Variants in NPAS3 observed in about 807,000 individuals in gnomAD.
NPAS3 encodes neuronal PAS domain protein 3.
NPAS3 carries 14 observed loss-of-function variants against 73.1 expected under a neutral mutation model. The ratio of observed to expected loss-of-function variants is 0.19; its 90% CI spans 0.13 to 0.30. The LOEUF (loss-of-function observed/expected upper bound fraction) is 0.30. NPAS3 is among the 10% of genes least tolerant of loss of function. NPAS3 has a pLI of 1.00. For synonymous variants in NPAS3, 620 were observed against 541.5 expected (o/e 1.14, Z -2.01); for missense variants, 1,096 against 1,250.0 (o/e 0.88, Z 1.86).
At chr14:33,171,499 C>T (rs1201656120) in intron 2 of NPAS3, among the ~76,000 whole-genome samples, 3 of 152,198 alleles carry the variant, frequency 2.0e-5, no homozygotes, top group Non-Finnish European at 4.4e-5. Flanking sequence ...TTCCCTAAAC[C>T]ACATAAACCA....
chr14:33,412,422 A>T (rs1364323238), intron 4 of NPAS3, among the ~76,000 whole-genome samples: 4 of 152,148 alleles, frequency 2.6e-5, no homozygotes, highest in Admixed American at 2.6e-4. Context: ...ACCTGGCCGG[A>T]TTTTATTTTT....
At chr14:33,202,402 TA>T (rs1034997542) in intron 2 of NPAS3, among the ~76,000 whole-genome samples, 73 of 147,442 alleles carry the variant, frequency 5.0e-4, no homozygotes, top group Admixed American at 6.8e-4. Flanking sequence ...GACCCTGTCT[TA>T]AAAAAAAAAA....
chr14:33,019,642 C>T (rs1334819748), intron 1 of NPAS3, among the ~76,000 whole-genome samples: 1 of 152,192 alleles, frequency 6.6e-6, no homozygotes, highest in Non-Finnish European at 1.5e-5. Flanking sequence ...AACTAGGTAA[C>T]TTGCATTATG....
At chr14:33,625,101 GTGTT>G (rs1447387958) in intron 5 of NPAS3, among the ~76,000 whole-genome samples, 8 of 152,302 alleles carry the variant, frequency 5.3e-5, no homozygotes, top group Admixed American at 2.0e-4. Context: ...TGTGCCAACA[GTGTT>G]TGTGTTATAA....
chr14:33,651,746 A>G (rs1034679420), intron 5 of NPAS3, among the ~76,000 whole-genome samples: 1 of 152,178 alleles, frequency 6.6e-6, no homozygotes, highest in African/African-American at 2.4e-5. Context: ...AAAGTACCTG[A>G]TAGACGTAAA....
At chr14:33,312,463 C>T (rs1007807648) in intron 3 of NPAS3, among the ~76,000 whole-genome samples, 8 of 151,856 alleles carry the variant, frequency 5.3e-5, no homozygotes, top group South Asian at 2.1e-4. Flanking sequence ...CTTGTAACAA[C>T]GGGAGTAATA....
At chr14:33,315,990 G>A (rs1024561378) in intron 3 of NPAS3, among the ~76,000 whole-genome samples, 15 of 152,050 alleles carry the variant, frequency 9.9e-5, no homozygotes, top group Non-Finnish European at 2.2e-4. Flanking sequence ...GGTATGTGGA[G>A]CAACAGTGTC....
chr14:33,343,295 CT>C (rs1478531217), intron 3 of NPAS3, among the ~76,000 whole-genome samples: 1 of 152,040 alleles, frequency 6.6e-6, no homozygotes, highest in Non-Finnish European at 1.5e-5. Context: ...CTCCTGCTTT[CT>C]TTTTTTCTCA....
At chr14:33,349,160 A>G (rs1419666350) in intron 3 of NPAS3, among the ~76,000 whole-genome samples, 1 of 152,208 alleles carries the variant, frequency 6.6e-6, no homozygotes, top group Non-Finnish European at 1.5e-5. Context: ...CCATGTCTAT[A>G]ATGTCATAAT....
At chr14:33,197,472 C>T (rs1377556062) in intron 2 of NPAS3, among the ~76,000 whole-genome samples, 1 of 151,918 alleles carries the variant, frequency 6.6e-6, no homozygotes, top group African/African-American at 2.4e-5. Context: ...AAGCTGTAAG[C>T]TTCCATCCCA....
At chr14:33,726,959 T>C (rs1339752603) in intron 6 of NPAS3, among the ~76,000 whole-genome samples, 1 of 152,170 alleles carries the variant, frequency 6.6e-6, no homozygotes, top group African/African-American at 2.4e-5. Context: ...GCCTGATTTT[T>C]CACCCTGTGC....
chr14:33,052,255 A>T (rs1566506899), intron 1 of NPAS3, among the ~76,000 whole-genome samples: 1 of 152,166 alleles, frequency 6.6e-6, no homozygotes, highest in Non-Finnish European at 1.5e-5. Context: ...AATATTTCTA[A>T]GCATGGGATT....
chr14:33,755,326 TC>T (rs1406546730), intron 7 of NPAS3, among the ~76,000 whole-genome samples: 6 of 152,328 alleles, frequency 3.9e-5, no homozygotes, highest in African/African-American at 1.4e-4. Context: ...GTAATTGACC[TC>T]CTCATTTTAT....
intron 4 of NPAS3, among the ~76,000 whole-genome samples, chr14:33,540,532 A>G (rs1649931253): frequency 6.6e-6 from 1 of 152,172 alleles, no homozygotes; most frequent in Non-Finnish European, 1.5e-5. Context: ...TCCCTGTTTT[A>G]TTAACTTATT....
At chr14:33,262,738 A>G (rs2049020134) in intron 3 of NPAS3, among the ~76,000 whole-genome samples, 1 of 152,220 alleles carries the variant, frequency 6.6e-6, no homozygotes, top group South Asian at 2.1e-4. Flanking sequence ...GAAGAATTTT[A>G]ATTTTCTTAA....
chr14:33,515,174 C>A (rs2053239370), intron 4 of NPAS3, among the ~76,000 whole-genome samples: 1 of 152,176 alleles, frequency 6.6e-6, no homozygotes, highest in South Asian at 2.1e-4. Context: ...ATGGCTACTT[C>A]CACACTCACT....
chr14:33,616,957 A>C (rs1366908296), intron 5 of NPAS3, among the ~76,000 whole-genome samples: 1 of 152,242 alleles, frequency 6.6e-6, no homozygotes. Flanking sequence ...TTCTCCCAAC[A>C]TACCAGCTGT....
At chr14:32,958,361 A>G (rs1238477234) in intron 1 of NPAS3, among the ~76,000 whole-genome samples, 1 of 152,154 alleles carries the variant, frequency 6.6e-6, no homozygotes, top group Non-Finnish European at 1.5e-5. Context: ...ATCTGCTGCC[A>G]ATAGACACTT....
chr14:33,457,999 T>C (rs187896434), intron 4 of NPAS3, among the ~76,000 whole-genome samples: 41 of 152,310 alleles, frequency 2.7e-4, no homozygotes, highest in Middle Eastern at 6.8e-3. Flanking sequence ...CACTGGTTGA[T>C]GTGTTTTTAC....
Sources: allele counts gnomAD v4.1 joint callset (sites outside exome capture counted in the v4.1 genomes callset), GRCh38; gene constraint gnomAD v4.1.1; transcripts MANE v1.5; gene names NCBI Gene and HGNC (gene_info 2026-07-23, HGNC 2026-07-21).